The following PLPPR1 variants were observed in gnomAD, a reference collection of about 807,000 sequenced individuals.
PLPPR1 encodes phospholipid phosphatase related 1.
In PLPPR1, 10 loss-of-function variants were observed where a neutral mutation model predicts 33.1. The observed-to-expected ratio is 0.30, with a 90% CI of 0.19 to 0.51. PLPPR1 has a LOEUF of 0.51. Ranked by LOEUF, PLPPR1 falls within the 20% of genes least tolerant of loss-of-function variation. PLPPR1 has a pLI of 0.97. For missense variants in PLPPR1, 304 were observed against 408.1 expected (o/e 0.74, Z 2.20); for synonymous variants, 151 against 151.0 (o/e 1.00, Z 0.00).
intron 1 of PLPPR1, among the ~76,000 whole-genome samples, chr9:101,112,532 A>G (rs115721560): frequency 1.3e-5 from 2 of 152,196 alleles, no homozygotes; most frequent in African/African-American, 4.8e-5. Flanking sequence ...TACAGAAGCT[A>G]TCTCTTCCTG....
At chr9:101,291,442 C>G (rs1454376462) in intron 4 of PLPPR1, among the ~76,000 whole-genome samples, 2 of 152,202 alleles carry the variant, frequency 1.3e-5, no homozygotes, top group Non-Finnish European at 2.9e-5. Context: ...AGCAGTGGTT[C>G]TCCCAGCACG....
rs935424692 is a variant in PLPPR1 at position 101,324,158 on chromosome 9, G to A, written c.*101G>A. 21 of 939,596 alleles carry A rather than the reference G, an allele frequency of 2.2e-5. No individual in the cohort carries two copies. Among genetic ancestry groups the A allele is most frequent in the Admixed American group, 9.7e-5 (5 of 51,664 alleles). The allele number at this position is 939,596 out of a possible 1,614,324, so 58.2% of individuals were successfully genotyped here. A position where few individuals can be genotyped will look rare whatever the true frequency, so the allele number is the denominator to read the frequency against. Reference sequence around the variant, plus strand: ...GTCAAACTGTGATGACAAATATTACGTTTATCTAGTTAGAAGCTAATGTTT... The same window carrying A: ...GTCAAACTGTGATGACAAATATTACATTTATCTAGTTAGAAGCTAATGTTT... On this transcript the variant is annotated 3_prime_UTR_variant, in exon 8 of 8. Coordinates refer to ENST00000374874, the MANE Select transcript of PLPPR1 (RefSeq NM_207299.2).
At chr9:101,078,816 GAA>G (rs113337272) in intron 1 of PLPPR1, among the ~76,000 whole-genome samples, 1 of 150,854 alleles carries the variant, frequency 6.6e-6, no homozygotes, top group African/African-American at 2.4e-5. Context: ...TTCTTAGTAC[GAA>G]AAAAAAGTAT....
At chr9:101,164,647 C>T (rs982889662) in intron 1 of PLPPR1, among the ~76,000 whole-genome samples, 2 of 152,048 alleles carry the variant, frequency 1.3e-5, no homozygotes, top group East Asian at 1.9e-4. Flanking sequence ...GGATTACAGT[C>T]GCAAGCCACT....
intron 1 of PLPPR1, among the ~76,000 whole-genome samples, chr9:101,127,231 G>A (rs1182907593): frequency 1.3e-5 from 2 of 152,314 alleles, no homozygotes; most frequent in Admixed American, 6.5e-5. Context: ...ACGCTCTAGC[G>A]TTCCTTCACC....
At chr9:101,041,178 A>G (rs1830074264) in intron 1 of PLPPR1, among the ~76,000 whole-genome samples, 1 of 152,162 alleles carries the variant, frequency 6.6e-6, no homozygotes, top group Non-Finnish European at 1.5e-5. Flanking sequence ...TATGCCAGAG[A>G]GCTTACTTAT....
At chr9:101,097,233 A>G (rs956485818) in intron 1 of PLPPR1, among the ~76,000 whole-genome samples, 3 of 152,160 alleles carry the variant, frequency 2.0e-5, no homozygotes, top group Admixed American at 2.0e-4. Context: ...TTGCATTTCT[A>G]ATGAGCTTCC....
At chr9:101,251,502 A>G (rs1020241682) in intron 2 of PLPPR1, among the ~76,000 whole-genome samples, 11 of 152,230 alleles carry the variant, frequency 7.2e-5, no homozygotes, top group South Asian at 2.1e-4. Context: ...CGTATAGATT[A>G]CCACCAGGGT....
At chr9:101,092,680 C>T (rs925764603) in intron 1 of PLPPR1, among the ~76,000 whole-genome samples, 4 of 152,118 alleles carry the variant, frequency 2.6e-5, no homozygotes, top group African/African-American at 7.2e-5. Context: ...CTCCAGATCT[C>T]GGCTCAGGGC....
intron 1 of PLPPR1, chr9:101,125,472 C>A: frequency 3.3e-6 from 1 of 303,078 alleles, no homozygotes; most frequent in South Asian, 4.2e-5. Context: ...GGGTAGAGCT[C>A]AGAAATCCAT....
At position 101,119,729 on chromosome 9, in the gene PLPPR1, G is replaced by A. The variant is rs544626785; in HGVS notation, c.-45-65721G>A. Among the ~76,000 whole-genome samples the A allele has an allele frequency of 3.3e-5, 5 of 152,314 alleles. No individual in the cohort carries two copies. The South Asian group carries it at 1.0e-3, about 32-fold the overall frequency. On this transcript the variant is annotated intron_variant, in intron 1 of 7. Coordinates refer to ENST00000374874, the MANE Select transcript of PLPPR1 (RefSeq NM_207299.2). ...ACCAGAGGCCAGAGCTGGATGAGAT[G>A]CCTTCCAGAGGACCTCGAAGATAAC...
At chr9:101,106,162 T>C (rs1383859538) in intron 1 of PLPPR1, among the ~76,000 whole-genome samples, 1 of 150,828 alleles carries the variant, frequency 6.6e-6, no homozygotes, top group African/African-American at 2.5e-5. Flanking sequence ...AAAGTTAATA[T>C]TGTTATGTGT....
intron 1 of PLPPR1, among the ~76,000 whole-genome samples, chr9:101,111,533 T>C (rs1305786263): frequency 1.3e-5 from 2 of 152,226 alleles, no homozygotes; most frequent in African/African-American, 4.8e-5. Context: ...CTGTTATACC[T>C]ATATTTGCAT....
intron 2 of PLPPR1, among the ~76,000 whole-genome samples, chr9:101,206,509 C>A (rs985859490): frequency 6.6e-6 from 1 of 152,150 alleles, no homozygotes; most frequent in Non-Finnish European, 1.5e-5. Context: ...TGTTTAGGTG[C>A]CTTTTCTGTT....
intron 2 of PLPPR1, among the ~76,000 whole-genome samples, chr9:101,221,916 GAAGGA>G (rs1826950404): frequency 6.6e-6 from 1 of 152,160 alleles, no homozygotes; most frequent in Non-Finnish European, 1.5e-5. Context: ...ATGAATGGAA[GAAGGA>G]AAGAAAATAG....
chr9:101,141,279 C>T (rs1831448360), intron 1 of PLPPR1, among the ~76,000 whole-genome samples: 1 of 152,166 alleles, frequency 6.6e-6, no homozygotes, highest in Non-Finnish European at 1.5e-5. Context: ...TCATTAGCAT[C>T]ATAAATTCTT....
At chr9:101,096,846 C>T (rs568349630) in intron 1 of PLPPR1, among the ~76,000 whole-genome samples, 1 of 152,258 alleles carries the variant, frequency 6.6e-6, no homozygotes, top group East Asian at 1.9e-4. Context: ...GGAAGGATTG[C>T]TTGAGCCCAG....
intron 2 of PLPPR1, among the ~76,000 whole-genome samples, chr9:101,188,580 A>G (rs578120805): frequency 1.3e-5 from 2 of 152,146 alleles, no homozygotes; most frequent in Admixed American, 1.3e-4. Context: ...CTTGTTGCCG[A>G]CTTTAAAGAA....
intron 4 of PLPPR1, among the ~76,000 whole-genome samples, chr9:101,304,348 AATTC>A (rs1392829950): frequency 6.6e-6 from 1 of 152,202 alleles, no homozygotes; most frequent in Non-Finnish European, 1.5e-5. Context: ...TTTCTTCAGC[AATTC>A]ATTCATTGAT....
Sources: allele counts gnomAD v4.1 joint callset (sites outside exome capture counted in the v4.1 genomes callset), GRCh38; gene constraint gnomAD v4.1.1; transcripts MANE v1.5; gene names NCBI Gene and HGNC (gene_info 2026-07-23, HGNC 2026-07-21).